QTMAN: variants seen among roughly 807,000 people sequenced by gnomAD.
The protein encoded by QTMAN is tRNA-queuosine alpha-mannosyltransferase.
the QTMAN span, among the ~76,000 whole-genome samples, chr2:144,005,019 A>T: frequency 1.3e-5 from 2 of 151,728 alleles, no homozygotes; most frequent in African/African-American, 2.4e-5. Flanking sequence ...AGAGTTTGAT[A>T]TTTTTTTTAT....
the QTMAN span, among the ~76,000 whole-genome samples, chr2:144,110,075 T>C: frequency 6.6e-6 from 1 of 152,176 alleles, no homozygotes; most frequent in Non-Finnish European, 1.5e-5. Context: ...CACGCTGCTA[T>C]AAAGACACAT....
chr2:143,992,167 C>G, the QTMAN span, among the ~76,000 whole-genome samples: 2 of 151,408 alleles, frequency 1.3e-5, no homozygotes, highest in Admixed American at 1.3e-4. Context: ...ACATGGGAGA[C>G]TTTTCATTTT....
chr2:144,200,059 T>C, the QTMAN span, among the ~76,000 whole-genome samples: 3 of 152,146 alleles, frequency 2.0e-5, no homozygotes, highest in African/African-American at 7.2e-5. Context: ...TAAAGATCAG[T>C]TAAAGATTCA....
chr2:144,193,052 T>A, the QTMAN span, among the ~76,000 whole-genome samples: 1 of 152,196 alleles, frequency 6.6e-6, no homozygotes, highest in East Asian at 1.9e-4. Flanking sequence ...AAAGTCAGTC[T>A]CATTCCACCA....
the QTMAN span, among the ~76,000 whole-genome samples, chr2:144,130,726 G>C: frequency 6.0e-4 from 91 of 151,870 alleles, no homozygotes; most frequent in African/African-American, 2.1e-3. Context: ...TGACCAGTAA[G>C]AGAAAAAAAT....
the QTMAN span, among the ~76,000 whole-genome samples, chr2:144,110,980 T>C: frequency 6.6e-6 from 1 of 152,102 alleles, no homozygotes; most frequent in Admixed American, 6.5e-5. Flanking sequence ...ATTAAGAAAA[T>C]TCCCTAAAAT....
the QTMAN span, among the ~76,000 whole-genome samples, chr2:144,264,042 A>T: frequency 2.0e-5 from 3 of 152,198 alleles, no homozygotes; most frequent in African/African-American, 7.2e-5. Flanking sequence ...AATGAGGGAT[A>T]AAAGAAGCTG....
At chr2:143,956,030 G>T in the QTMAN span, among the ~76,000 whole-genome samples, 1 of 152,154 alleles carries the variant, frequency 6.6e-6, no homozygotes, top group Non-Finnish European at 1.5e-5. Flanking sequence ...GCCTGTGTTT[G>T]CTTCAGTGGA....
At chr2:144,057,995 C>G in the QTMAN span, among the ~76,000 whole-genome samples, 1 of 151,750 alleles carries the variant, frequency 6.6e-6, no homozygotes, top group African/African-American at 2.4e-5. Flanking sequence ...GAGAACTTTT[C>G]TAACATAAAC....
the QTMAN span, among the ~76,000 whole-genome samples, chr2:144,064,781 C>A: frequency 3.3e-5 from 5 of 152,292 alleles, no homozygotes; most frequent in East Asian, 1.9e-4. Context: ...CATAAAGATT[C>A]TTTTAAAATT....
At chr2:144,185,617 G>A in the QTMAN span, among the ~76,000 whole-genome samples, 19 of 152,104 alleles carry the variant, frequency 1.2e-4, no homozygotes, top group African/African-American at 4.3e-4. Context: ...CTTCTTTGAA[G>A]TCTCGAGAGC....
chr2:143,994,550 T>C, the QTMAN span, among the ~76,000 whole-genome samples: 1 of 152,180 alleles, frequency 6.6e-6, no homozygotes, highest in African/African-American at 2.4e-5. Context: ...TGGAATATTA[T>C]TCAGCATTAG....
chr2:144,280,091 T>C, the QTMAN span, among the ~76,000 whole-genome samples: 2 of 152,144 alleles, frequency 1.3e-5, no homozygotes, highest in African/African-American at 4.8e-5. Context: ...AAAATGACAT[T>C]AACAAATATT....
the QTMAN span, among the ~76,000 whole-genome samples, chr2:144,318,599 C>G: frequency 1.8e-4 from 27 of 152,194 alleles, no homozygotes; most frequent in Non-Finnish European, 2.9e-5. Flanking sequence ...CAGCAACCTG[C>G]AGATCTTTTT....
At chr2:144,155,406 T>C in the QTMAN span, among the ~76,000 whole-genome samples, 2 of 152,210 alleles carry the variant, frequency 1.3e-5, no homozygotes, top group East Asian at 3.8e-4. Context: ...ACACTTCATA[T>C]GGTGTTTTAT....
chr2:144,008,260 G>A, the QTMAN span, among the ~76,000 whole-genome samples: 2 of 152,020 alleles, frequency 1.3e-5, no homozygotes, highest in South Asian at 4.2e-4. Flanking sequence ...AAGAGTAGGA[G>A]ACAGACACAA....
chr2:144,209,023 G>C, the QTMAN span, among the ~76,000 whole-genome samples: 3,500 of 152,118 alleles, frequency 0.023, 67 homozygotes, highest in Non-Finnish European at 0.035. Flanking sequence ...TTATTTTTCT[G>C]ATTTGTTTTC....
the QTMAN span, among the ~76,000 whole-genome samples, chr2:144,114,955 A>G: frequency 6.6e-6 from 1 of 152,186 alleles, no homozygotes; most frequent in African/African-American, 2.4e-5. Context: ...CAGGCCAGGC[A>G]TGGTGACTCA....
chr2:144,331,637 T>C, the QTMAN span, among the ~76,000 whole-genome samples: 1 of 151,980 alleles, frequency 6.6e-6, no homozygotes, highest in Non-Finnish European at 1.5e-5. Flanking sequence ...ACTCTAAAAG[T>C]TGTATGTGCG....
Sources: allele counts gnomAD v4.1 joint callset (sites outside exome capture counted in the v4.1 genomes callset), GRCh38; gene constraint gnomAD v4.1.1; transcripts MANE v1.5; gene names NCBI Gene and HGNC (gene_info 2026-07-23, HGNC 2026-07-21).